The following CTNND2 variants were observed in gnomAD, a reference collection of about 807,000 sequenced individuals.
The protein encoded by CTNND2 is catenin delta-2.
In CTNND2, 22 loss-of-function variants were observed where a neutral mutation model predicts 144.4. The observed-to-expected ratio is 0.15, with a 90% CI of 0.11 to 0.22. The LOEUF (loss-of-function observed/expected upper bound fraction) is 0.22. Among genes scored for constraint, CTNND2 ranks in the 10% least tolerant of loss-of-function variants. The pLI, the probability that CTNND2 is intolerant of heterozygous loss-of-function variation, is 1.00. For missense variants in CTNND2, 1,353 were observed against 1,618.8 expected, an observed-to-expected ratio of 0.84 and a Z score of 2.82; for synonymous variants, 751 against 695.6, an observed-to-expected ratio of 1.08 and a Z score of -1.25.
At position 11,159,806 on chromosome 5, in the gene CTNND2, C is replaced by G. The variant is rs1470300382; in HGVS notation, c.1976-47G>C. ...AGGTTTTGGGTGGCCACAAGTTTTT[C>G]TCATCTCCAAAACTGTCTTCCTTAT... On this transcript the variant is annotated intron_variant, in intron 11 of 21. Coordinates refer to ENST00000304623, the MANE Select transcript of CTNND2 (RefSeq NM_001332.4). The G allele has an allele frequency of 4.8e-6, 7 of 1,446,684 alleles. No homozygotes were observed. In the African/African-American group the frequency reaches 8.6e-5, roughly 18 times the overall value. The allele number at this position is 1,446,684 out of a possible 1,614,324, so 89.6% of individuals were successfully genotyped here. A position where few individuals can be genotyped will look rare whatever the true frequency, so the allele number is the denominator to read the frequency against.
At chr5:11,879,486 T>C (rs1361975960) in intron 1 of CTNND2, among the ~76,000 whole-genome samples, 1 of 151,418 alleles carries the variant, frequency 6.6e-6, no homozygotes, top group Non-Finnish European at 1.5e-5. Context: ...AAAGGTTAGT[T>C]TCCATGGAAA....
At chr5:11,416,102 G>A (rs1171844327) in intron 3 of CTNND2, among the ~76,000 whole-genome samples, 5 of 152,144 alleles carry the variant, frequency 3.3e-5, no homozygotes, top group African/African-American at 7.2e-5. Flanking sequence ...CTTGCTCTTC[G>A]ATTTCTGCAG....
At chr5:11,419,503 T>G (rs1263707263) in intron 3 of CTNND2, among the ~76,000 whole-genome samples, 1 of 152,214 alleles carries the variant, frequency 6.6e-6, no homozygotes, top group Non-Finnish European at 1.5e-5. Context: ...CTTTTTCCAT[T>G]TCATATGTGA....
At chr5:11,062,410 C>T (rs1418431817) in intron 16 of CTNND2, among the ~76,000 whole-genome samples, 4 of 152,216 alleles carry the variant, frequency 2.6e-5, no homozygotes, top group Non-Finnish European at 4.4e-5. Context: ...ATAAAATTCT[C>T]ACTGTAGTCT....
At chr5:11,675,130 C>T (rs75198005) in intron 2 of CTNND2, among the ~76,000 whole-genome samples, 3,424 of 151,874 alleles carry the variant, frequency 0.023, 47 homozygotes, top group East Asian at 0.057. Context: ...TATTCTGAAA[C>T]GGACGGAACT....
chr5:11,630,928 T>C (rs1308821893), intron 2 of CTNND2, among the ~76,000 whole-genome samples: 1 of 151,104 alleles, frequency 6.6e-6, no homozygotes, highest in Non-Finnish European at 1.5e-5. Flanking sequence ...CACCCCAGCA[T>C]GGGCAACAAG....
At chr5:11,223,140 C>T (rs1016995173) in intron 10 of CTNND2, among the ~76,000 whole-genome samples, 1 of 152,198 alleles carries the variant, frequency 6.6e-6, no homozygotes, top group Non-Finnish European at 1.5e-5. Flanking sequence ...ATCTTTGGCC[C>T]TACATCTTTG....
At chr5:11,550,775 T>C (rs1455501067) in intron 3 of CTNND2, among the ~76,000 whole-genome samples, 1 of 152,234 alleles carries the variant, frequency 6.6e-6, no homozygotes, top group African/African-American at 2.4e-5. Flanking sequence ...TACATTCACA[T>C]AGGATGAAAA....
At chr5:11,454,522 G>A (rs572608140) in intron 3 of CTNND2, among the ~76,000 whole-genome samples, 46 of 152,172 alleles carry the variant, frequency 3.0e-4, no homozygotes, top group Non-Finnish European at 5.6e-4. Flanking sequence ...TTTGTTTAGA[G>A]GGATTTTTTG....
intron 18 of CTNND2, among the ~76,000 whole-genome samples, chr5:10,996,520 C>T (rs1432284116): frequency 1.3e-5 from 2 of 151,874 alleles, no homozygotes; most frequent in Non-Finnish European, 2.9e-5. Context: ...GGAGGGGGCT[C>T]GGGGGGCTGT....
chr5:11,159,459 C>A, intron 12 of CTNND2, 117 bp downstream of exon 12: 1 of 820,744 alleles, frequency 1.2e-6, no homozygotes, highest in Non-Finnish European at 1.9e-6. Flanking sequence ...GCCACATCAA[C>A]ATTCATGTTT....
At chr5:10,974,916 A>C (rs768020960) in intron 21 of CTNND2, among the ~76,000 whole-genome samples, 2 of 152,228 alleles carry the variant, frequency 1.3e-5, no homozygotes, top group Non-Finnish European at 2.9e-5. Flanking sequence ...GATTTATACT[A>C]GTAATCAACC....
At chr5:11,380,948 A>G (rs1758423124) in intron 7 of CTNND2, among the ~76,000 whole-genome samples, 1 of 152,098 alleles carries the variant, frequency 6.6e-6, no homozygotes, top group South Asian at 2.1e-4. Flanking sequence ...ATGCAAAACC[A>G]AGATCTTAGC....
Position 11,409,346 on chromosome 5 carries a change from A to G in CTNND2, c.439+2190T>C, listed in dbSNP as rs529137063. ...CTTCTAGTAGCTGGTCAATTTTTAT[A>G]AATTTTCCTTGGACATATGTAACAA... On this transcript the variant is annotated intron_variant, in intron 5 of 21. Coordinates refer to ENST00000304623, the MANE Select transcript of CTNND2 (RefSeq NM_001332.4). 2.9e-3 allele frequency among the ~76,000 whole-genome samples: 448 copies of G among 152,142 alleles called. 3 individuals carry two copies. Among genetic ancestry groups the G allele is most frequent in the Non-Finnish European group, 4.4e-3 (301 of 67,912 alleles).
At chr5:11,810,959 T>C (rs2126908401) in intron 1 of CTNND2, among the ~76,000 whole-genome samples, 1 of 152,282 alleles carries the variant, frequency 6.6e-6, no homozygotes, top group East Asian at 1.9e-4. Flanking sequence ...TCATCTGAAT[T>C]TTACTGTAGT....
At chr5:11,631,712 C>T (rs997936208) in intron 2 of CTNND2, among the ~76,000 whole-genome samples, 4 of 152,130 alleles carry the variant, frequency 2.6e-5, no homozygotes, top group Non-Finnish European at 5.9e-5. Flanking sequence ...CTTCTTTCAC[C>T]CAGGCCCTAT....
Position 11,543,634 on chromosome 5 carries a change from GTTT to G in CTNND2, c.287+21307_287+21309del, listed in dbSNP as rs10556638. ...ATATACATTATATATCAGTAACGCT[GTTT>G]TTTTTTTTTTTTAAACCTACAGCAG... On this transcript the variant is annotated intron_variant, in intron 3 of 21. Transcript: ENST00000304623. Among the ~76,000 whole-genome samples, 765 of 148,966 alleles carry G rather than the reference GTTT, an allele frequency of 5.1e-3. 8 individuals carry two copies. Among genetic ancestry groups the G allele is most frequent in the East Asian group, 0.041 (211 of 5,088 alleles).
At chr5:11,437,219 A>G (rs1336859489) in intron 3 of CTNND2, among the ~76,000 whole-genome samples, 1 of 152,180 alleles carries the variant, frequency 6.6e-6, no homozygotes, top group East Asian at 1.9e-4. Context: ...CATATTCATG[A>G]CAGTAATTCT....
chr5:11,153,520 G>T (rs188185295), intron 12 of CTNND2, among the ~76,000 whole-genome samples: 1 of 152,284 alleles, frequency 6.6e-6, no homozygotes, highest in Admixed American at 6.5e-5. Flanking sequence ...TAGCCAGAGT[G>T]TGATTATCAT....
Sources: allele counts gnomAD v4.1 joint callset (sites outside exome capture counted in the v4.1 genomes callset), GRCh38; gene constraint gnomAD v4.1.1; transcripts MANE v1.5; gene names NCBI Gene and HGNC (gene_info 2026-07-23, HGNC 2026-07-21).